Variants in CNTNAP2 observed in about 807,000 individuals in gnomAD.
CNTNAP2 encodes the protein contactin associated protein 2.
CNTNAP2 carries 98 observed loss-of-function variants against 155.2 expected under a neutral mutation model. That is an observed-to-expected ratio of 0.63 (90% CI 0.54 to 0.75). The LOEUF is 0.75. CNTNAP2 is among the 30% of genes least tolerant of loss of function. CNTNAP2 has a pLI of 0.00. For synonymous variants in CNTNAP2, 651 were observed against 631.2 expected, an observed-to-expected ratio of 1.03 and a Z score of -0.47; for missense variants, 1,727 against 1,688.1, an observed-to-expected ratio of 1.02 and a Z score of -0.40.
At chr7:148,306,424 G>A (rs1314179506) in intron 21 of CNTNAP2, among the ~76,000 whole-genome samples, 1 of 152,044 alleles carries the variant, frequency 6.6e-6, no homozygotes, top group Non-Finnish European at 1.5e-5. Context: ...CCCAGAATTT[G>A]TTATTCAGCT....
At chr7:146,336,399 A>G (rs1350621485) in intron 1 of CNTNAP2, among the ~76,000 whole-genome samples, 1 of 152,108 alleles carries the variant, frequency 6.6e-6, no homozygotes, top group Non-Finnish European at 1.5e-5. Flanking sequence ...AAGTTCTACC[A>G]AATTATCTCA....
chr7:147,317,055 G>A (rs2620453), intron 9 of CNTNAP2, among the ~76,000 whole-genome samples: 74,713 of 152,008 alleles, frequency 0.49, 19,517 homozygotes, highest in East Asian at 0.73. Context: ...AACAAATCCA[G>A]TCCTTCACCC....
intron 11 of CNTNAP2, among the ~76,000 whole-genome samples, chr7:147,504,823 C>G (rs894626037): frequency 6.5e-5 from 7 of 107,408 alleles, no homozygotes; most frequent in Non-Finnish European, 1.6e-4. Context: ...AAACTATATT[C>G]ATATATATAT....
chr7:146,686,370 T>G (rs1361627274), intron 1 of CNTNAP2, among the ~76,000 whole-genome samples: 2 of 152,154 alleles, frequency 1.3e-5, no homozygotes, highest in Non-Finnish European at 2.9e-5. Flanking sequence ...CTGTATGTGT[T>G]GCGTGTGCAG....
intron 11 of CNTNAP2, among the ~76,000 whole-genome samples, chr7:147,547,758 C>T (rs1204988293): frequency 3.9e-5 from 6 of 151,982 alleles, no homozygotes; most frequent in African/African-American, 1.5e-4. Context: ...TCCCTCCCTG[C>T]ACCCCACACA....
At chr7:147,612,418 T>TC (rs1392399953) in intron 12 of CNTNAP2, among the ~76,000 whole-genome samples, 1 of 150,994 alleles carries the variant, frequency 6.6e-6, no homozygotes, top group Non-Finnish European at 1.5e-5. Flanking sequence ...TTTTTTTTTT[T>TC]CTGAGACGGA....
Position 147,132,311 on chromosome 7 carries a change from C to G in CNTNAP2, c.1150C>G (p.Leu384Val). 6.2e-7 allele frequency: 1 copy of G among 1,613,730 alleles called. No individual in the cohort carries two copies. Among genetic ancestry groups the G allele is most frequent in the Non-Finnish European group, 8.5e-7 (1 of 1,179,790 alleles). The change falls in exon 8 of 24, where the codon CTG becomes GTG. Residue 384 changes from leucine to valine, a missense_variant. Leu to Val is a conservative substitution (Grantham distance 32, BLOSUM62 1). Transcript: ENST00000361727. ...VPVFFNATSY[L>V]EVPGRLNQDL... is the part of the protein sequence containing the mutation. ...TGTCTTTTTCAACGCTACAAGTTAC[C>G]TGGAGGTGCCCGGACGGCTTAACCA...
At chr7:147,744,817 A>T (rs998368339) in intron 13 of CNTNAP2, among the ~76,000 whole-genome samples, 2 of 152,138 alleles carry the variant, frequency 1.3e-5, no homozygotes, top group Non-Finnish European at 2.9e-5. Context: ...ATCAGGGAGC[A>T]TGCCCCACCC....
chr7:147,990,523 C>T (rs1415130200), intron 15 of CNTNAP2, among the ~76,000 whole-genome samples: 1 of 151,656 alleles, frequency 6.6e-6, no homozygotes, highest in Non-Finnish European at 1.5e-5. Flanking sequence ...TCTCTCCGGC[C>T]TCTCTGGCCA....
chr7:148,201,817 A>T (rs890740774), intron 18 of CNTNAP2, among the ~76,000 whole-genome samples: 13 of 151,922 alleles, frequency 8.6e-5, no homozygotes, highest in African/African-American at 2.2e-4. Flanking sequence ...TTGAACTATT[A>T]AAAAAAATAA....
chr7:147,714,462 CA>C (rs572649994), intron 13 of CNTNAP2, among the ~76,000 whole-genome samples: 31 of 143,032 alleles, frequency 2.2e-4, no homozygotes, highest in South Asian at 1.6e-3. Context: ...AGTTTTTGTT[CA>C]AAAAAAAAAG....
In CNTNAP2 at chr7:146,618,327, A is replaced by T. The variant is rs1008082331; in HGVS notation, c.98-155944A>T. ...TACATAAGCATGTTATTTATCTCAA[A>T]CTACTCACCAGTTAAGTTGAGACTC... On this transcript the variant is annotated intron_variant, in intron 1 of 23. Transcript: ENST00000361727. 3.9e-5 allele frequency among the ~76,000 whole-genome samples: 6 copies of T among 152,200 alleles called. 1 individual carries two copies. The highest frequency in any genetic ancestry group is 3.3e-4 in the Admixed American group (5 of 15,274).
intron 1 of CNTNAP2, among the ~76,000 whole-genome samples, chr7:146,424,615 A>C (rs1796061444): frequency 6.6e-6 from 1 of 152,194 alleles, no homozygotes; most frequent in Non-Finnish European, 1.5e-5. Flanking sequence ...GTTTAAGCAC[A>C]ATGGACTCCT....
chr7:148,057,647 C>T (rs1371258126), intron 15 of CNTNAP2, among the ~76,000 whole-genome samples: 2 of 152,164 alleles, frequency 1.3e-5, no homozygotes, highest in South Asian at 2.1e-4. Flanking sequence ...AGAAGAAAGA[C>T]TGTGGGCATC....
In CNTNAP2 at chr7:147,548,482, G is replaced by T. The variant is rs889958699; in HGVS notation, c.1778-13656G>T. 3.3e-5 allele frequency among the ~76,000 whole-genome samples: 5 copies of T among 152,220 alleles called. No homozygotes were observed. The South Asian group carries it at 8.3e-4, about 25-fold the overall frequency. On this transcript the variant is annotated intron_variant, in intron 11 of 23. Coordinates refer to ENST00000361727, the MANE Select transcript of CNTNAP2 (RefSeq NM_014141.6). ...GATTTTTTCTTATAAATATGTTTAAGTTCCTTGTAAATTCTGGATATTAGA... is the reference window on the plus strand; with the variant it reads ...GATTTTTTCTTATAAATATGTTTAATTTCCTTGTAAATTCTGGATATTAGA...
chr7:146,688,048 A>G (rs79022032), intron 1 of CNTNAP2, among the ~76,000 whole-genome samples: 5 of 152,294 alleles, frequency 3.3e-5, no homozygotes, highest in African/African-American at 9.6e-5. Context: ...GGAAGTAAAG[A>G]TGTCGCTGAA....
At chr7:146,594,433 T>TACACACACACACAC (rs4016062) in intron 1 of CNTNAP2, among the ~76,000 whole-genome samples, 140 of 149,456 alleles carry the variant, frequency 9.4e-4, no homozygotes, top group African/African-American at 3.1e-3. Context: ...TACTAGTGTT[T>TACACACACACACAC]ACACACACAC....
chr7:146,545,679 C>CAACAG (rs1298223680), intron 1 of CNTNAP2, among the ~76,000 whole-genome samples: 5 of 151,912 alleles, frequency 3.3e-5, no homozygotes, highest in Admixed American at 1.3e-4. Flanking sequence ...AGTCAGGAAA[C>CAACAG]AACAGATGCT....
rs1371999276 is a variant in CNTNAP2, at chr7:147,465,632, A to G, written c.1671-20303A>G. On this transcript the variant is annotated intron_variant, in intron 10 of 23. Coordinates refer to ENST00000361727, the MANE Select transcript of CNTNAP2 (RefSeq NM_014141.6). ...ATCACCAATATTTCAGCAGACGCTA[A>G]TTCTTTTTCCCGTATCATTTAAAAA... is the stretch of plus-strand genomic sequence containing the variant. Among the ~76,000 whole-genome samples the G allele has an allele frequency of 4.6e-5, 7 of 152,242 alleles. No homozygotes were observed. The South Asian group carries it at 1.4e-3, about 31-fold the overall frequency.
Sources: allele counts gnomAD v4.1 joint callset (sites outside exome capture counted in the v4.1 genomes callset), GRCh38; gene constraint gnomAD v4.1.1; transcripts MANE v1.5; gene names NCBI Gene and HGNC (gene_info 2026-07-23, HGNC 2026-07-21).